The following THSD4 variants were observed in gnomAD, a reference collection of about 807,000 sequenced individuals.
The protein encoded by THSD4 is thrombospondin type-1 domain-containing protein 4.
A neutral mutation model predicts 119.0 loss-of-function variants in THSD4; 69 were observed. The ratio of observed to expected loss-of-function variants is 0.58; its 90% CI spans 0.48 to 0.71. THSD4 has a LOEUF of 0.71. Among genes scored for constraint, THSD4 ranks in the 30% least tolerant of loss-of-function variants. The pLI, the probability that THSD4 is intolerant of heterozygous loss-of-function variation, is 0.00. For missense variants in THSD4, 1,393 were observed against 1,391.1 expected, an observed-to-expected ratio of 1.00 and a Z score of -0.02; for synonymous variants, 524 against 540.4, an observed-to-expected ratio of 0.97 and a Z score of 0.42.
At chr15:71,468,122 T>G (rs1043722726) in intron 7 of THSD4, among the ~76,000 whole-genome samples, 1 of 152,206 alleles carries the variant, frequency 6.6e-6, no homozygotes, top group African/African-American at 2.4e-5. Flanking sequence ...ATGCTGGGAT[T>G]ACAGGCATGA....
chr15:71,673,058 G>A (rs1393250942), intron 8 of THSD4, among the ~76,000 whole-genome samples: 1 of 152,186 alleles, frequency 6.6e-6, no homozygotes, highest in Non-Finnish European at 1.5e-5. Context: ...GTTTCAGAAG[G>A]AATGGTACCA....
intron 4 of THSD4, among the ~76,000 whole-genome samples, chr15:71,217,370 T>G (rs574899098): frequency 6.6e-6 from 1 of 152,130 alleles, no homozygotes; most frequent in South Asian, 2.1e-4. Context: ...GTAATCCTAG[T>G]ACTTTGGGAG....
intron 7 of THSD4, among the ~76,000 whole-genome samples, chr15:71,600,636 C>T (rs1567056551): frequency 6.6e-6 from 1 of 152,342 alleles, no homozygotes; most frequent in East Asian, 1.9e-4. Context: ...GTAGTAACAA[C>T]AGCCATCATT....
At chr15:71,338,844 G>GT (rs2045523563) in intron 6 of THSD4, among the ~76,000 whole-genome samples, 1 of 152,170 alleles carries the variant, frequency 6.6e-6, no homozygotes, top group Non-Finnish European at 1.5e-5. Flanking sequence ...GAAATCTCCA[G>GT]TTTAATGTAG....
chr15:71,408,807 G>A (rs567455663), intron 6 of THSD4, among the ~76,000 whole-genome samples: 1 of 152,048 alleles, frequency 6.6e-6, no homozygotes, highest in Non-Finnish European at 1.5e-5. Flanking sequence ...AGCCAAGAAC[G>A]CACCACTGCA....
At chr15:71,477,535 A>G (rs1384391520) in intron 7 of THSD4, among the ~76,000 whole-genome samples, 1 of 152,180 alleles carries the variant, frequency 6.6e-6, no homozygotes, top group African/African-American at 2.4e-5. Flanking sequence ...CCACATTGGG[A>G]GCATTATGCT....
chr15:71,217,529 A>G lies in THSD4; in HGVS notation c.464+2130A>G, dbSNP rs28683706. On this transcript the variant is annotated intron_variant, in intron 4 of 17. Coordinates refer to ENST00000261862, the MANE Select transcript of THSD4 (RefSeq NM_024817.3). The stretch of plus-strand genomic sequence containing the variant: ...TCCCAGCTACTCGGGAGGCTGAGGC[A>G]GGAGAATGGCGTGAACCCGGGAGGC... Among the ~76,000 whole-genome samples the G allele has an allele frequency of 8.2e-3, 1,241 of 151,936 alleles. 21 individuals carry two copies. The highest frequency in any genetic ancestry group is 0.028 in the African/African-American group (1,156 of 41,456).
intron 16 of THSD4, among the ~76,000 whole-genome samples, chr15:71,767,825 C>A (rs1445196213): frequency 6.6e-6 from 1 of 152,254 alleles, no homozygotes; most frequent in South Asian, 2.1e-4. Flanking sequence ...CTTTTTCTAG[C>A]AGGCAGCAAG....
At chr15:71,161,146 A>G (rs1175313466) in intron 3 of THSD4, among the ~76,000 whole-genome samples, 1 of 152,068 alleles carries the variant, frequency 6.6e-6, no homozygotes. Context: ...TAAATTTGTT[A>G]AGACTTGTTT....
intron 11 of THSD4, among the ~76,000 whole-genome samples, chr15:71,739,891 G>A (rs2053203265): frequency 6.7e-6 from 1 of 149,666 alleles, no homozygotes; most frequent in South Asian, 2.1e-4. Context: ...AGAGTACAAA[G>A]TTTGGAACCT....
At chr15:71,296,865 G>T (rs2140331782) in intron 6 of THSD4, among the ~76,000 whole-genome samples, 1 of 152,200 alleles carries the variant, frequency 6.6e-6, no homozygotes, top group South Asian at 2.1e-4. Flanking sequence ...ATTGCTCCGA[G>T]CCTCTGTTTT....
intron 10 of THSD4, among the ~76,000 whole-genome samples, chr15:71,735,534 C>G (rs1160834865): frequency 6.6e-6 from 1 of 151,956 alleles, no homozygotes; most frequent in Non-Finnish European, 1.5e-5. Context: ...CCATCTCCCT[C>G]TCTTTTGCTC....
chr15:71,551,697 C>A (rs2048931724), intron 7 of THSD4, among the ~76,000 whole-genome samples: 1 of 152,126 alleles, frequency 6.6e-6, no homozygotes, highest in African/African-American at 2.4e-5. Flanking sequence ...CTTCCCCTAG[C>A]AATGGGTTAT....
intron 7 of THSD4, among the ~76,000 whole-genome samples, chr15:71,646,375 T>G (rs1423271636): frequency 6.6e-6 from 1 of 152,180 alleles, no homozygotes; most frequent in Admixed American, 6.5e-5. Flanking sequence ...CTTTCTCTCT[T>G]TTAACCAGAG....
At chr15:71,126,365 T>C (rs1487452196) in intron 1 of THSD4, among the ~76,000 whole-genome samples, 2 of 152,128 alleles carry the variant, frequency 1.3e-5, no homozygotes, top group African/African-American at 4.8e-5. Flanking sequence ...CAATGACGAC[T>C]CCCCTTTCCC....
chr15:71,577,236 G>A (rs545050378), intron 7 of THSD4, among the ~76,000 whole-genome samples: 4 of 152,080 alleles, frequency 2.6e-5, no homozygotes, highest in Admixed American at 6.6e-5. Context: ...AGTTTCTCTC[G>A]ATCAGTGCCA....
chr15:71,606,205 T>C (rs559587864), intron 7 of THSD4, among the ~76,000 whole-genome samples: 1 of 152,372 alleles, frequency 6.6e-6, no homozygotes, highest in Non-Finnish European at 1.5e-5. Flanking sequence ...ACTTTTTTGT[T>C]GTTTTTCTGC....
chr15:71,280,233 G>C lies in THSD4; in HGVS notation c.1015+23518G>C, dbSNP rs1175943639. On this transcript the variant is annotated intron_variant, in intron 6 of 17. Transcript: ENST00000261862. ...TCCTCTGGAGCAAAGAACTTATAAA[G>C]GGGAACAGTGTAGGACGAGGTTGGC... Among the ~76,000 whole-genome samples the C allele has an allele frequency of 7.2e-5, 11 of 152,178 alleles. 1 individual carries two copies. Among genetic ancestry groups the C allele is most frequent in the Admixed American group, 7.2e-4 (11 of 15,272 alleles).
At chr15:71,196,033 C>T (rs962436497) in intron 3 of THSD4, among the ~76,000 whole-genome samples, 6 of 152,130 alleles carry the variant, frequency 3.9e-5, no homozygotes, top group African/African-American at 9.7e-5. Context: ...CTGAAAAGTC[C>T]AAGTTCCAGG....
Sources: allele counts gnomAD v4.1 joint callset (sites outside exome capture counted in the v4.1 genomes callset), GRCh38; gene constraint gnomAD v4.1.1; transcripts MANE v1.5; gene names NCBI Gene and HGNC (gene_info 2026-07-23, HGNC 2026-07-21).